Variants in TTC28 observed in about 807,000 individuals in gnomAD.
TTC28 encodes the protein tetratricopeptide repeat domain 28.
TTC28 carries 61 observed loss-of-function variants against 198.0 expected under a neutral mutation model. The observed-to-expected ratio is 0.31, with a 90% CI of 0.25 to 0.38. The LOEUF (loss-of-function observed/expected upper bound fraction) is 0.38. Ranked by LOEUF, TTC28 falls within the 10% of genes least tolerant of loss-of-function variation. The pLI is 1.00. For synonymous variants in TTC28, 1,171 were observed against 1,297.8 expected, an observed-to-expected ratio of 0.90 and a Z score of 2.10; for missense variants, 2,678 against 3,164.0, an observed-to-expected ratio of 0.85 and a Z score of 3.69.
rs577360393 is a variant in TTC28, at chr22:28,366,390, A to C, written c.382-59747T>G. On this transcript the variant is annotated intron_variant, in intron 2 of 22. Coordinates refer to ENST00000397906, the MANE Select transcript of TTC28 (RefSeq NM_001145418.2). ...CATTCTTTTAACATTTTTCTTACTTAGTGAGTTCTAGTTACTGGGATACAA... is the reference window on the plus strand; with the variant it reads ...CATTCTTTTAACATTTTTCTTACTTCGTGAGTTCTAGTTACTGGGATACAA... Among the ~76,000 whole-genome samples, 10 of 152,242 alleles carry C rather than the reference A, an allele frequency of 6.6e-5. No homozygotes were observed. In the South Asian group the frequency reaches 1.4e-3, roughly 22 times the overall value.
intron 6 of TTC28, among the ~76,000 whole-genome samples, chr22:28,110,935 T>TAAA (rs796954055): frequency 3.8e-5 from 5 of 133,240 alleles, no homozygotes; most frequent in African/African-American, 1.4e-4. Flanking sequence ...ACCCTGCCTT[T>TAAA]AAAAAAAAAA....
intron 5 of TTC28, among the ~76,000 whole-genome samples, chr22:28,220,885 C>T (rs1927801717): frequency 6.6e-6 from 1 of 151,914 alleles, no homozygotes; most frequent in Admixed American, 6.6e-5. Context: ...TTGAAACAAG[C>T]CAAGAATAGG....
chr22:28,258,300 C>T (rs1931097258), intron 5 of TTC28, among the ~76,000 whole-genome samples: 1 of 152,098 alleles, frequency 6.6e-6, no homozygotes, highest in Non-Finnish European at 1.5e-5. Context: ...ACATGTTCTT[C>T]AGTCTTGTTA....
intron 6 of TTC28, among the ~76,000 whole-genome samples, chr22:28,131,872 C>G (rs564027872): frequency 6.6e-6 from 1 of 152,096 alleles, no homozygotes; most frequent in African/African-American, 2.4e-5. Flanking sequence ...AATATATAGC[C>G]TGAATATTCA....
At chr22:28,067,565 T>A (rs1190133342) in intron 12 of TTC28, among the ~76,000 whole-genome samples, 1 of 152,120 alleles carries the variant, frequency 6.6e-6, no homozygotes, top group African/African-American at 2.4e-5. Flanking sequence ...TCTAAGTGTC[T>A]CTACTCGTGA....
chr22:28,446,574 C>G (rs553163512), intron 2 of TTC28, among the ~76,000 whole-genome samples: 118 of 152,242 alleles, frequency 7.8e-4, no homozygotes, highest in Middle Eastern at 3.4e-3. Flanking sequence ...CATCATCCCC[C>G]CATCTTGTTC....
intron 12 of TTC28, among the ~76,000 whole-genome samples, chr22:28,044,503 G>A (rs1244935662): frequency 6.6e-6 from 1 of 151,936 alleles, no homozygotes; most frequent in African/African-American, 2.4e-5. Flanking sequence ...TGCACAATGT[G>A]CAGGTTTGTT....
chr22:28,409,411 C>G (rs866133511), intron 2 of TTC28, among the ~76,000 whole-genome samples: 6 of 152,176 alleles, frequency 3.9e-5, no homozygotes, highest in Non-Finnish European at 7.4e-5. Flanking sequence ...GCATCATATC[C>G]TGAGACCATT....
chr22:28,652,031 G>C (rs1275268963), intron 1 of TTC28, among the ~76,000 whole-genome samples: 3 of 150,992 alleles, frequency 2.0e-5, no homozygotes, highest in African/African-American at 4.9e-5. Flanking sequence ...GTAGAGACAG[G>C]GTTTCACCAC....
At chr22:28,539,467 T>G (rs1330104591) in intron 2 of TTC28, among the ~76,000 whole-genome samples, 2 of 151,984 alleles carry the variant, frequency 1.3e-5, no homozygotes, top group Non-Finnish European at 2.9e-5. Flanking sequence ...AAAACCCATC[T>G]CTATAAAAAT....
At chr22:28,113,595 T>G (rs1942550236) in intron 6 of TTC28, among the ~76,000 whole-genome samples, 1 of 152,242 alleles carries the variant, frequency 6.6e-6, no homozygotes, top group Admixed American at 6.5e-5. Context: ...GTAACTCTTA[T>G]TAGTCTTGCT....
chr22:28,510,647 TCTCGCGA>T (rs1253478846), intron 2 of TTC28, among the ~76,000 whole-genome samples: 1 of 151,996 alleles, frequency 6.6e-6, no homozygotes, highest in Admixed American at 6.6e-5. Context: ...TATTGGAAGT[TCTCGCGA>T]GGGCAATAGA....
chr22:28,151,247 G>A (rs1943601951), intron 6 of TTC28, among the ~76,000 whole-genome samples: 1 of 152,224 alleles, frequency 6.6e-6, no homozygotes. Context: ...ATTACCTGCT[G>A]CTGATAACAT....
At chr22:28,210,259 G>A (rs534067906) in intron 5 of TTC28, among the ~76,000 whole-genome samples, 3 of 152,260 alleles carry the variant, frequency 2.0e-5, no homozygotes, top group African/African-American at 4.8e-5. Flanking sequence ...GCAGCTTCTC[G>A]CCAGCAATGG....
rs534993530 is a variant in TTC28, at chr22:27,987,138, C to G, written c.5708-1782G>C. Among the ~76,000 whole-genome samples the G allele has an allele frequency of 2.6e-5, 4 of 152,292 alleles. No homozygotes were observed. The South Asian group carries it at 6.2e-4, about 24-fold the overall frequency. Reference sequence around the variant, plus strand: ...GCCTACCGGACACCACTCTCCTCCCCGAGCTGTATGTCAAAAGGCCATAAA... The same window carrying G: ...GCCTACCGGACACCACTCTCCTCCCGGAGCTGTATGTCAAAAGGCCATAAA... On this transcript the variant is annotated intron_variant, in intron 21 of 22. Coordinates refer to ENST00000397906, the MANE Select transcript of TTC28 (RefSeq NM_001145418.2).
At chr22:28,391,572 C>T (rs962824438) in intron 2 of TTC28, among the ~76,000 whole-genome samples, 1 of 152,140 alleles carries the variant, frequency 6.6e-6, no homozygotes, top group Non-Finnish European at 1.5e-5. Context: ...AACTTCCCTT[C>T]TTGCTTCATT....
chr22:28,003,792 G>C (rs981809801), intron 14 of TTC28, among the ~76,000 whole-genome samples: 1 of 152,206 alleles, frequency 6.6e-6, no homozygotes, highest in African/African-American at 2.4e-5. Context: ...AATGATCAGA[G>C]AATGCATGTC....
At chr22:28,304,304 C>G (rs887792572) in intron 3 of TTC28, among the ~76,000 whole-genome samples, 6 of 151,016 alleles carry the variant, frequency 4.0e-5, no homozygotes, top group Non-Finnish European at 8.8e-5. Context: ...AAAAAGTAGG[C>G]AGCAAATGAT....
At chr22:28,318,375 A>T (rs1387794844) in intron 2 of TTC28, among the ~76,000 whole-genome samples, 2 of 152,082 alleles carry the variant, frequency 1.3e-5, no homozygotes, top group Non-Finnish European at 2.9e-5. Flanking sequence ...TTCTGTTTGC[A>T]CCCAGTAAGT....
Sources: gnomAD v4.1 joint callset for allele counts (sites outside exome capture counted in the v4.1 genomes callset) on GRCh38, gnomAD v4.1.1 for gene constraint, MANE v1.5 for transcripts, NCBI Gene and HGNC (gene_info 2026-07-23, HGNC 2026-07-21) for gene names.